Variants in SCUBE1 observed in about 807,000 individuals in gnomAD.
SCUBE1 encodes signal peptide, CUB domain and EGF like domain containing 1, also known as signal peptide, CUB and EGF-like domain-containing protein 1.
A neutral mutation model predicts 124.4 loss-of-function variants in SCUBE1; 59 were observed. That is an observed-to-expected ratio of 0.47 (90% CI 0.38 to 0.59). The LOEUF (loss-of-function observed/expected upper bound fraction) is 0.59. Among genes scored for constraint, SCUBE1 ranks in the 20% least tolerant of loss-of-function variants. SCUBE1 has a pLI of 0.00. For synonymous variants in SCUBE1, 545 were observed against 550.9 expected (o/e 0.99, Z 0.15); for missense variants, 1,150 against 1,371.2 (o/e 0.84, Z 2.55).
chr22:43,343,210 T>C lies in SCUBE1; in HGVS notation c.52A>G (p.Thr18Ala). The change falls in exon 1 of 22, where the codon ACA (threonine) becomes GCA (alanine). Residue 18 changes from threonine (T) to alanine (A), a missense_variant. Thr to Ala is a moderately conservative substitution (Grantham distance 58). Transcript: ENST00000360835. The part of the protein sequence containing the change: ...WHLCVLLALG[T>A]RGRLAGGSGL... ...CTGCCCCCGGCCAGCCGCCCGCGTG[T>C]GCCCAGGGCCAGCAGCACGCACAAG... is the stretch of plus-strand genomic sequence containing the variant. The C allele has an allele frequency of 8.3e-7, 1 of 1,207,092 alleles. No homozygotes were observed. Among genetic ancestry groups the C allele is most frequent in the South Asian group, 2.6e-5 (1 of 37,796 alleles). The allele number at this position is 1,207,092 out of a possible 1,614,324, so 74.8% of individuals were successfully genotyped here. A position where few individuals can be genotyped will look rare whatever the true frequency, so the allele number is the denominator to read the frequency against.
In SCUBE1 at chr22:43,267,248, G is replaced by T. The variant is rs144509567; in HGVS notation, c.485-4403C>A. Among the ~76,000 whole-genome samples, 44 of 152,312 alleles carry T rather than the reference G, an allele frequency of 2.9e-4. 2 individuals are homozygous for T. The East Asian group carries it at 8.3e-3, about 29-fold the overall frequency. ...GTACCCAGCACAGGGCCTGGCACAGGGTTAGGGATCTGCAAACAGTGGGTG... is the reference window on the plus strand; with the variant it reads ...GTACCCAGCACAGGGCCTGGCACAGTGTTAGGGATCTGCAAACAGTGGGTG... On this transcript the variant is annotated intron_variant, in intron 4 of 21. Transcript: ENST00000360835.
chr22:43,206,676 G>A (rs921868349), intron 21 of SCUBE1, among the ~76,000 whole-genome samples: 4 of 152,176 alleles, frequency 2.6e-5, no homozygotes, highest in Non-Finnish European at 5.9e-5. Flanking sequence ...AGGCTCTGGT[G>A]CGTGTGAGGA....
rs988859943 is a variant in SCUBE1 at position 43,234,172 on chromosome 22, G to C, written c.845-2297C>G. Among the ~76,000 whole-genome samples, 1 of 152,044 alleles carries C rather than the reference G, an allele frequency of 6.6e-6. No homozygotes were observed. Among genetic ancestry groups the C allele is most frequent in the African/African-American group, 2.4e-5 (1 of 41,382 alleles). ...TTCCCCCCGAGCCCCGGGATTATAG[G>C]CAGATGGGGAATTTCTAGATAGAAG... is the stretch of plus-strand genomic sequence containing the variant. On this transcript the variant is annotated intron_variant, in intron 7 of 21. Coordinates refer to ENST00000360835, the MANE Select transcript of SCUBE1 (RefSeq NM_173050.5). The surrounding 1 kb of genome is among the most constrained non-coding windows in gnomAD (Gnocchi z 4.4).
chr22:43,273,493 C>T (rs758748382), intron 4 of SCUBE1, among the ~76,000 whole-genome samples: 1 of 151,332 alleles, frequency 6.6e-6, no homozygotes, highest in Non-Finnish European at 1.5e-5. Context: ...CCATCCCAGC[C>T]CTTTCTAAGG....
chr22:43,322,502 C>T (rs1926591182), intron 2 of SCUBE1, among the ~76,000 whole-genome samples: 1 of 152,222 alleles, frequency 6.6e-6, no homozygotes, highest in Admixed American at 6.5e-5. Context: ...GCTTCCTTAA[C>T]ATCAAATCAG....
chr22:43,205,700 C>G (rs1181799687), intron 21 of SCUBE1, among the ~76,000 whole-genome samples: 1 of 99,814 alleles, frequency 1.0e-5, no homozygotes, highest in African/African-American at 4.8e-5. Context: ...CCCACACACA[C>G]CACCCACTCA....
intron 11 of SCUBE1, 116 bp from the exon 12 acceptor site, chr22:43,222,858 G>A (rs1922153737): frequency 2.1e-6 from 2 of 969,800 alleles, no homozygotes; most frequent in East Asian, 2.7e-5. Context: ...AGATTCTTCT[G>A]CCAGTTTCTG....
At chr22:43,297,155 C>G (rs1191123575) in intron 3 of SCUBE1, among the ~76,000 whole-genome samples, 1 of 152,218 alleles carries the variant, frequency 6.6e-6, no homozygotes, top group Non-Finnish European at 1.5e-5. Context: ...AGGGTCTGAC[C>G]AAGGCTGCTG....
At chr22:43,305,754 G>A (rs1383999831) in intron 3 of SCUBE1, among the ~76,000 whole-genome samples, 2 of 152,062 alleles carry the variant, frequency 1.3e-5, no homozygotes, top group South Asian at 2.1e-4. Flanking sequence ...ACCCCCTGGC[G>A]GTCAGCAGAT....
chr22:43,225,198 C>A (rs1251130994), intron 10 of SCUBE1, among the ~76,000 whole-genome samples: 1 of 151,494 alleles, frequency 6.6e-6, no homozygotes, highest in African/African-American at 2.4e-5. Flanking sequence ...CACCCCCCCA[C>A]TCCTGCCCCT....
intron 3 of SCUBE1, among the ~76,000 whole-genome samples, chr22:43,300,487 G>A (rs568023053): frequency 1.4e-4 from 22 of 152,140 alleles, no homozygotes; most frequent in African/African-American, 5.3e-4. Flanking sequence ...TATGCTGTCT[G>A]TGGGGAGACA....
At chr22:43,312,587 T>C (rs1926208622) in intron 3 of SCUBE1, among the ~76,000 whole-genome samples, 1 of 151,886 alleles carries the variant, frequency 6.6e-6, no homozygotes, top group Non-Finnish European at 1.5e-5. Flanking sequence ...TCCGTACAGT[T>C]GGATGGGGTA....
Position 43,220,523 on chromosome 22 carries a change from G to C in SCUBE1, c.1614C>G (p.Arg538=). 1 of 1,614,162 alleles carries C rather than the reference G, an allele frequency of 6.2e-7. No individual in the cohort carries two copies. Among genetic ancestry groups the C allele is most frequent in the Non-Finnish European group, 8.5e-7 (1 of 1,180,016 alleles). The change falls in exon 14 of 22, where the codon CGC becomes CGG. Residue 538 remains arginine (R), a synonymous_variant. Transcript: ENST00000360835. ...GGGACACCTCCTTGGATGGGGACTTGCGGCCACGGCGCCTCTTCTTGGAGG... is the reference window on the plus strand; with the variant it reads ...GGGACACCTCCTTGGATGGGGACTTCCGGCCACGGCGCCTCTTCTTGGAGG... The part of the protein sequence containing the change: ...CDSSKKRRRG[R]KSPSKEVSHI...
intron 15 of SCUBE1, 34 bp from the exon 16 acceptor site, chr22:43,214,285 A>C (rs768196738): frequency 3.8e-6 from 6 of 1,595,486 alleles, no homozygotes; most frequent in Non-Finnish European, 5.1e-6. Flanking sequence ...TGCTGGAGGC[A>C]GAGGTGGGGA....
intron 2 of SCUBE1, among the ~76,000 whole-genome samples, chr22:43,321,544 G>A (rs1306844048): frequency 3.3e-5 from 5 of 152,202 alleles, no homozygotes; most frequent in South Asian, 2.1e-4. Context: ...AGAAGTGAAC[G>A]CGCCAGAGTA....
chr22:43,239,678 A>G (rs1922923332), intron 6 of SCUBE1, among the ~76,000 whole-genome samples: 1 of 152,248 alleles, frequency 6.6e-6, no homozygotes, highest in African/African-American at 2.4e-5. Context: ...CAGAGCTGGC[A>G]CACCAGGATG....
At chr22:43,271,166 C>T (rs1427259613) in intron 4 of SCUBE1, among the ~76,000 whole-genome samples, 1 of 152,016 alleles carries the variant, frequency 6.6e-6, no homozygotes, top group African/African-American at 2.4e-5. Flanking sequence ...CCACCCTCTC[C>T]ACAAGTGCCT....
intron 6 of SCUBE1, among the ~76,000 whole-genome samples, chr22:43,241,674 C>G (rs114102433): frequency 0.013 from 2,032 of 152,284 alleles, 44 homozygotes; most frequent in African/African-American, 0.047. Context: ...AGGGCCTGGG[C>G]CTGCTGCTTC....
At chr22:43,300,471 G>A (rs548171490) in intron 3 of SCUBE1, among the ~76,000 whole-genome samples, 56 of 152,084 alleles carry the variant, frequency 3.7e-4, no homozygotes, top group African/African-American at 1.2e-3. Context: ...CTGTTCTCAC[G>A]GGCTCTATGC....
Sources: gnomAD v4.1 joint callset for allele counts (sites outside exome capture counted in the v4.1 genomes callset) on GRCh38, gnomAD v4.1.1 for gene constraint, Gnocchi (gnomAD v3.1) non-coding constraint, MANE v1.5 for transcripts, NCBI Gene and HGNC (gene_info 2026-07-23, HGNC 2026-07-21) for gene names.